The following CFB variants were observed in gnomAD, a reference collection of about 807,000 sequenced individuals.
The protein encoded by CFB is B-factor, properdin.
Under a neutral mutation model 97.2 loss-of-function variants are expected in CFB, and 59 were observed. That is an observed-to-expected ratio of 0.61 (90% confidence interval 0.49 to 0.75). The LOEUF (loss-of-function observed/expected upper bound fraction) is 0.75, where lower values mean the gene tolerates loss of function less well. Among genes scored for constraint, CFB ranks in the 30% least tolerant of loss-of-function variants. The pLI is 0.00. For synonymous variants in CFB, 316 were observed against 351.7 expected (o/e 0.90, Z 1.14); for missense variants, 771 against 959.8 (o/e 0.80, Z 2.60).
At position 31,948,428 on chromosome 6, in the gene CFB, C is replaced by A. The variant is rs1185480704; in HGVS notation, c.952C>A (p.Pro318Thr). Residue 318 changes from proline to threonine, a missense_variant, in exon 7 of 18, where the codon CCC becomes ACC. Physicochemically the swap from Pro to Thr is conservative, Grantham distance 38 (BLOSUM62 -1). Coordinates refer to ENST00000425368, the MANE Select transcript of CFB (RefSeq NM_001710.6). The part of the protein sequence containing the change: ...RYGLVTYATY[P>T]KIWVKVSEAD... Reference sequence around the variant, plus strand: ...TGGTCTAGTGACATATGCCACATACCCCAAAATTTGGGTCAAAGTGTCTGA... The same window carrying A: ...TGGTCTAGTGACATATGCCACATACACCAAAATTTGGGTCAAAGTGTCTGA... 6.2e-7 allele frequency: 1 copy of A among 1,614,018 alleles called. No individual in the cohort carries two copies. The highest frequency in any genetic ancestry group is 1.7e-5 in the Admixed American group (1 of 59,986).
rs1179995431 is a variant in CFB at position 31,951,995 on chromosome 6, G to A, written c.2260G>A (p.Glu754Lys). ...CTTTCAAGTGCTGCCCTGGCTGAAG[G>A]AGAAACTCCAAGATGAGGATTTGGG... ...NLFQVLPWLK[E>K]KLQDEDLGFL The change falls in exon 18 of 18, where the codon GAG becomes AAG. Residue 754 changes from glutamate to lysine, a missense_variant. By Grantham distance (56) the Glu-to-Lys change is moderately conservative. Coordinates refer to ENST00000425368, the MANE Select transcript of CFB (RefSeq NM_001710.6). The surrounding 1 kb of genome is among the most constrained non-coding windows in gnomAD (Gnocchi z 4.3). 1.9e-6 allele frequency: 3 copies of A among 1,612,972 alleles called. No homozygotes were observed. Among genetic ancestry groups the A allele is most frequent in the African/African-American group, 1.3e-5 (1 of 74,936 alleles).
rs780506384 is a variant in CFB, at chr6:31,950,245, T to C, written c.1507-41T>C. 1.9e-6 allele frequency: 3 copies of C among 1,608,490 alleles called. No individual in the cohort carries two copies. The Admixed American group carries it at 5.0e-5, about 27-fold the overall frequency. On this transcript the variant is annotated intron_variant, in intron 11 of 17. Transcript: ENST00000425368. ...AAAATGGCCATAAGAGATGGTGGTT[T>C]GTGAAAGTTGAGCTTTCCCTCTCTA...
In CFB at chr6:31,946,162, A is replaced by C; in HGVS notation, c.-60A>C. On this transcript the variant is annotated 5_prime_UTR_variant, in exon 1 of 18. Coordinates refer to ENST00000425368, the MANE Select transcript of CFB (RefSeq NM_001710.6). The surrounding 1 kb of genome is among the most constrained non-coding windows in gnomAD (Gnocchi z 6.4). ...GGACACTGAGCCAAGCAGACAAGCA[A>C]AGCAAGCCAGGACACACCATCCTGC... The C allele has an allele frequency of 2.5e-6, 4 of 1,583,494 alleles. No homozygotes were observed. In the South Asian group the frequency reaches 3.3e-5, roughly 13 times the overall value.
Position 31,948,431 on chromosome 6 carries a change from A to C in CFB, c.955A>C (p.Lys319Gln), listed in dbSNP as rs570799585. 1.9e-6 allele frequency: 3 copies of C among 1,614,216 alleles called. No individual in the cohort carries two copies. Among genetic ancestry groups the C allele is most frequent in the African/African-American group, 1.3e-5 (1 of 75,050 alleles). ...TCTAGTGACATATGCCACATACCCC[A>C]AAATTTGGGTCAAAGTGTCTGAAGC... Reference protein sequence around the residue: ...YGLVTYATYPKIWVKVSEADS... With the variant: ...YGLVTYATYPQIWVKVSEADS... Residue 319 changes from lysine to glutamine, a missense_variant, in exon 7 of 18, where the codon AAA becomes CAA. Coordinates refer to ENST00000425368, the MANE Select transcript of CFB (RefSeq NM_001710.6).
rs961795551 is a variant in CFB, at chr6:31,950,216, G to A, written c.1506+69G>A. On this transcript the variant is annotated intron_variant, in intron 11 of 17. Coordinates refer to ENST00000425368, the MANE Select transcript of CFB (RefSeq NM_001710.6). ...TCAAGGTGAAATGGGAGTAGGGGAA[G>A]GAAAAAATGGCCATAAGAGATGGTG... 27 of 1,605,264 alleles carry A rather than the reference G, an allele frequency of 1.7e-5. No individual in the cohort carries two copies. The African/African-American group carries it at 3.3e-4, about 20-fold the overall frequency.
chr6:31,950,504 C>T (rs1170312778), intron 12 of CFB, 101 bp downstream of exon 12: 1 of 1,571,010 alleles, frequency 6.4e-7, no homozygotes, highest in East Asian at 2.2e-5. Flanking sequence ...AATGCAGCCC[C>T]ATTCCTTGCA....
Position 31,951,313 on chromosome 6 carries a change from T to C in CFB, c.1957-28T>C. On this transcript the variant is annotated intron_variant, in intron 15 of 17. Coordinates refer to ENST00000425368, the MANE Select transcript of CFB (RefSeq NM_001710.6). The surrounding 1 kb of genome is among the most constrained non-coding windows in gnomAD (Gnocchi z 4.3). ...TTCCTAAGCCACTTCTGTTCATTAC[T>C]TCTCCATGCTTCCCACCTCCCCTAC... 1.2e-6 allele frequency: 2 copies of C among 1,614,064 alleles called. No homozygotes were observed. Among genetic ancestry groups the C allele is most frequent in the Admixed American group, 1.7e-5 (1 of 60,020 alleles).
rs1273282890 is a variant in CFB, at chr6:31,948,969, G to A, written c.1168+8G>A. 3 of 1,612,802 alleles carry A rather than the reference G, an allele frequency of 1.9e-6. No homozygotes were observed. Among genetic ancestry groups the A allele is most frequent in the Non-Finnish European group, 2.5e-6 (3 of 1,180,026 alleles). ...TCATCCTCATGACTGATGGTCAGAA[G>A]GGACCTCTCTCCTGTCCCAGCCTCC... On this transcript the variant is annotated splice_region_variant and intron_variant, in intron 8 of 17. Coordinates refer to ENST00000425368, the MANE Select transcript of CFB (RefSeq NM_001710.6).
Position 31,951,253 on chromosome 6 carries a change from C to A in CFB, c.1956+9C>A. On this transcript the variant is annotated intron_variant, in intron 15 of 17. Coordinates refer to ENST00000425368, the MANE Select transcript of CFB (RefSeq NM_001710.6). The surrounding 1 kb of genome is among the most constrained non-coding windows in gnomAD (Gnocchi z 4.3). ...TCAAGAATGGGGATAAGGTGAGAAA[C>A]GGGCATCCTAAGGAGGCACTCTAGG... 6.2e-7 allele frequency: 1 copy of A among 1,613,116 alleles called. No individual in the cohort carries two copies. The highest frequency in any genetic ancestry group is 1.3e-5 in the African/African-American group (1 of 75,020).
chr6:31,947,301 G>A lies in CFB; in HGVS notation c.485-47G>A, dbSNP rs1025211111. The A allele has an allele frequency of 8.7e-6, 14 of 1,612,022 alleles. No homozygotes were observed. Among genetic ancestry groups the A allele is most frequent in the African/African-American group, 5.3e-5 (4 of 74,886 alleles). ...AACTCTTGCTCTCTACCTTGCTCAC[G>A]GGGCCTCAGGCTTCAGTGCTTACCT... On this transcript the variant is annotated intron_variant, in intron 3 of 17. Transcript: ENST00000425368. The surrounding 1 kb of genome is among the most constrained non-coding windows in gnomAD (Gnocchi z 5.3).
At chr6:31,949,606 TG>T in intron 10 of CFB, 49 bp downstream of exon 10, 1 of 1,608,072 alleles carries the variant, frequency 6.2e-7, no homozygotes, top group South Asian at 1.1e-5. Context: ...CAGGTTCCCC[TG>T]AAGTAATTCA....
chr6:31,949,680 C>T, intron 10 of CFB, 123 bp downstream of exon 10: 1 of 1,153,506 alleles, frequency 8.7e-7, no homozygotes, highest in Non-Finnish European at 1.3e-6. Flanking sequence ...CCTTCTCTAC[C>T]TCAGTGTCAC....
At chr6:31,949,064 A>G (rs1771602988) in intron 8 of CFB, 103 bp downstream of exon 8, 1 of 1,547,866 alleles carries the variant, frequency 6.5e-7, no homozygotes, top group Non-Finnish European at 8.9e-7. Context: ...GGGGCCCTGA[A>G]TGTGACTCAT....
chr6:31,948,205 G>A, intron 6 of CFB, 124 bp downstream of exon 6: 1 of 1,501,646 alleles, frequency 6.7e-7, no homozygotes, highest in Non-Finnish European at 9.1e-7. Context: ...GTCCTATTCT[G>A]TCCTCCTTCC....
Position 31,951,505 on chromosome 6 carries a change from T to C in CFB, c.2089+32T>C. 8 of 1,614,212 alleles carry C rather than the reference T, an allele frequency of 5.0e-6. No homozygotes were observed. The highest frequency in any genetic ancestry group is 6.8e-6 in the Non-Finnish European group (8 of 1,180,038). The stretch of plus-strand genomic sequence containing the variant: ...GAATGCTCTTTGGTTGTGCTACAAG[T>C]GCCCAAGGCCCAACAGTCCTTTTCT... On this transcript the variant is annotated intron_variant, in intron 16 of 17. Coordinates refer to ENST00000425368, the MANE Select transcript of CFB (RefSeq NM_001710.6). The surrounding 1 kb of genome is among the most constrained non-coding windows in gnomAD (Gnocchi z 4.3).
chr6:31,947,644 T>C lies in CFB; in HGVS notation c.659-98T>C. 2 of 1,577,990 alleles carry C rather than the reference T, an allele frequency of 1.3e-6. No individual in the cohort carries two copies. ...CCTCCCTGTACAACTATCTCACTTCTGAGCCTTTTATACCCTGGAAACCCA... is the reference window on the plus strand; with the variant it reads ...CCTCCCTGTACAACTATCTCACTTCCGAGCCTTTTATACCCTGGAAACCCA... On this transcript the variant is annotated intron_variant, in intron 4 of 17. Transcript: ENST00000425368. This position sits in a 1 kb window ranked among gnomAD's most constrained non-coding sequence, Gnocchi z 5.3.
At chr6:31,948,658 G>A in intron 7 of CFB, 146 bp downstream of exon 7, 2 of 1,498,720 alleles carry the variant, frequency 1.3e-6, no homozygotes, top group Non-Finnish European at 1.8e-6. Flanking sequence ...ATGGAGGTTA[G>A]TGGGAACCTG....
At chr6:31,950,525 G>C in intron 12 of CFB, 94 bp from the exon 13 acceptor site, 1 of 1,594,588 alleles carries the variant, frequency 6.3e-7, no homozygotes, top group Non-Finnish European at 8.6e-7. Flanking sequence ...CCCCAGACCA[G>C]TCAGGGATGG....
intron 7 of CFB, 74 bp downstream of exon 7, chr6:31,948,586 C>A (rs1201286989): frequency 6.2e-7 from 1 of 1,600,936 alleles, no homozygotes; most frequent in Non-Finnish European, 8.5e-7. Flanking sequence ...CATGAGACTA[C>A]CTTGAGGGCG....
Sources: gnomAD v4.1 joint callset for allele counts on GRCh38, gnomAD v4.1.1 for gene constraint, Gnocchi (gnomAD v3.1) non-coding constraint, MANE v1.5 for transcripts, NCBI Gene and HGNC (gene_info 2026-07-23, HGNC 2026-07-21) for gene names.